Variants in ATP2B3 observed in about 807,000 individuals in gnomAD.
The protein encoded by ATP2B3 is ATPase plasma membrane Ca2+ transporting 3.
A neutral mutation model predicts 70.8 loss-of-function variants in ATP2B3; 12 were observed. The observed-to-expected ratio is 0.17, with a 90% CI of 0.11 to 0.27. The LOEUF is 0.27. Among genes scored for constraint, ATP2B3 ranks in the 10% least tolerant of loss-of-function variants. The pLI, the probability that ATP2B3 is intolerant of heterozygous loss-of-function variation, is 1.00. For synonymous variants in ATP2B3, 460 were observed against 497.8 expected (o/e 0.92, Z 1.01); for missense variants, 858 against 1,118.5 (o/e 0.77, Z 3.32).
Position 153,553,089 on chromosome X carries a change from C to T in ATP2B3, c.1878C>T (p.Asp626=). The stretch of plus-strand genomic sequence containing the variant: ...AACTCCGGGGCTTTCGGCCTCGGGA[C>T]CGGGACGACATGGTGAGGAAGATCA... The part of the protein sequence containing the change: ...NGELRGFRPR[D]RDDMVRKIIE... The change falls in exon 13 of 22, where the codon GAC becomes GAT. Residue 626 remains aspartate (D), a synonymous_variant. Coordinates refer to ENST00000263519, the MANE Select transcript of ATP2B3 (RefSeq NM_001001344.3). The T allele has an allele frequency of 8.3e-7, 1 of 1,209,040 alleles. No homozygotes were observed. Among genetic ancestry groups the T allele is most frequent in the Non-Finnish European group, 1.1e-6 (1 of 893,107 alleles).
chrX:153,553,134 T>C lies in ATP2B3; in HGVS notation c.1923T>C (p.Asp641=), dbSNP rs2090482891. 1 of 1,209,191 alleles carries C rather than the reference T, an allele frequency of 8.3e-7. No homozygotes were observed. The highest frequency in any genetic ancestry group is 1.7e-5 in the African/African-American group (1 of 57,281). The change falls in exon 13 of 22, where the codon GAT becomes GAC. Residue 641 remains aspartate, a synonymous_variant. Coordinates refer to ENST00000263519, the MANE Select transcript of ATP2B3 (RefSeq NM_001001344.3). ...VRKIIEPMAC[D]GLRTICIAYR... is the part of the protein sequence containing the mutation. Reference sequence around the variant, plus strand: ...AGATCATCGAGCCGATGGCTTGCGATGGCCTCCGCACCATCTGCATCGCCT... The same window carrying C: ...AGATCATCGAGCCGATGGCTTGCGACGGCCTCCGCACCATCTGCATCGCCT...
intron 21 of ATP2B3, among the ~76,000 whole-genome samples, chrX:153,571,883 C>T (rs2090794399): frequency 1.8e-5 from 2 of 112,780 alleles, no homozygotes; most frequent in African/African-American, 6.4e-5. Flanking sequence ...AGGACTCTGC[C>T]GTGGAGGAAG....
chrX:153,574,471 G>A (rs1223720887), intron 21 of ATP2B3, among the ~76,000 whole-genome samples: 6 of 111,571 alleles, frequency 5.4e-5, no homozygotes, highest in South Asian at 3.8e-4. Flanking sequence ...GAACCTTAGC[G>A]GCTGAGACTG....
intron 6 of ATP2B3, 149 bp from the exon 7 acceptor site, chrX:153,542,894 C>G: frequency 1.2e-6 from 1 of 821,602 alleles, no homozygotes; most frequent in Non-Finnish European, 1.7e-6. Context: ...GGGGTCTCCT[C>G]CAAGCCAGGG....
chrX:153,534,691 A>G (rs2090164598), intron 2 of ATP2B3, among the ~76,000 whole-genome samples: 1 of 113,152 alleles, frequency 8.8e-6, no homozygotes, highest in East Asian at 2.8e-4. Context: ...GTGGGGAGAG[A>G]GGACGGCACA....
At chrX:153,558,018 C>A (rs781888997) in intron 16 of ATP2B3, 94 bp from the exon 17 acceptor site, 50 of 900,236 alleles carry the variant, frequency 5.6e-5, no homozygotes, top group Middle Eastern at 3.1e-4. Flanking sequence ...AAGGGGAGAG[C>A]AGGGAGCCAG....
At chrX:153,546,636 C>T (rs1053903882) in intron 8 of ATP2B3, among the ~76,000 whole-genome samples, 17 of 113,445 alleles carry the variant, frequency 1.5e-4, no homozygotes, top group Non-Finnish European at 2.2e-4. Flanking sequence ...ATGAGCCTGG[C>T]TGTGAGACGC....
At chrX:153,562,884 G>C (rs1350522271) in intron 20 of ATP2B3, among the ~76,000 whole-genome samples, 2 of 112,513 alleles carry the variant, frequency 1.8e-5, no homozygotes, top group African/African-American at 6.5e-5. Flanking sequence ...AGCGGGGCCA[G>C]TTCCTGGTGA....
Position 153,580,607 on chromosome X carries a change from A to C in ATP2B3, c.*309A>C. ...CAAAGGAGGAAGGAGAAGAAGTAGAAAGTGCGAAGAGCTGAGTTCCCCACC... is the reference window on the plus strand; with the variant it reads ...CAAAGGAGGAAGGAGAAGAAGTAGACAGTGCGAAGAGCTGAGTTCCCCACC... On this transcript the variant is annotated 3_prime_UTR_variant, in exon 22 of 22. Transcript: ENST00000263519. 1 of 271,349 alleles carries C rather than the reference A, an allele frequency of 3.7e-6. No homozygotes were observed. The highest frequency in any genetic ancestry group is 5.6e-5 in the East Asian group (1 of 17,849). 22.4% of individuals were successfully genotyped at this position (271,349 alleles called of 1,213,427 possible). A position where few individuals can be genotyped will look rare whatever the true frequency, so the allele number is the denominator to read the frequency against.
At chrX:153,547,413 CT>C (rs1188638996) in intron 8 of ATP2B3, among the ~76,000 whole-genome samples, 1 of 110,946 alleles carries the variant, frequency 9.0e-6, no homozygotes, top group African/African-American at 3.3e-5. Context: ...GTGCATGGGG[CT>C]TCTGGGCCTC....
intron 8 of ATP2B3, among the ~76,000 whole-genome samples, chrX:153,546,807 A>C (rs1557008913): frequency 1.8e-5 from 2 of 113,071 alleles, no homozygotes; most frequent in African/African-American, 6.4e-5. Context: ...GAGATGACCC[A>C]GGCAACGCCC....
chrX:153,576,370 A>G (rs1186525904), intron 21 of ATP2B3, among the ~76,000 whole-genome samples: 3 of 111,678 alleles, frequency 2.7e-5, no homozygotes, highest in African/African-American at 9.8e-5. Flanking sequence ...TAGGGCCCAC[A>G]GGACACGTGG....
At position 153,549,611 on chromosome X, in the gene ATP2B3, G is replaced by C. The variant is rs782249887; in HGVS notation, c.1453G>C (p.Val485Leu). 1 of 1,210,978 alleles carries C rather than the reference G, an allele frequency of 8.3e-7. No homozygotes were observed. Among genetic ancestry groups the C allele is most frequent in the Non-Finnish European group, 1.1e-6 (1 of 895,403 alleles). The change falls in exon 11 of 22, where the codon GTG becomes CTG. Residue 485 changes from valine to leucine, a missense_variant. By Grantham distance (32) the Val-to-Leu change is conservative (BLOSUM62 1). This residue lies in a region of ATP2B3 where 23 missense variants were observed against 59.0 expected (regional missense o/e 0.39). Transcript: ENST00000263519. ...CACGCTCACCACCAACCGTATGACC[G>C]TGGTCCAGTCCTACCTAGGAGACAC... ...TGTLTTNRMT[V>L]VQSYLGDTHY...
At chrX:153,539,293 C>T (rs181591768) in intron 3 of ATP2B3, among the ~76,000 whole-genome samples, 4,244 of 112,423 alleles carry the variant, frequency 0.038, 78 homozygotes, top group South Asian at 0.072. Flanking sequence ...GGGGCAGGCT[C>T]GGGCCTCAGC....
chrX:153,574,260 G>A, intron 21 of ATP2B3, among the ~76,000 whole-genome samples: 1 of 112,304 alleles, frequency 8.9e-6, no homozygotes. Flanking sequence ...GTTGTTTTGA[G>A]CCTGGAAACC....
At chrX:153,538,111 G>A (rs1426449643) in intron 3 of ATP2B3, among the ~76,000 whole-genome samples, 1 of 112,952 alleles carries the variant, frequency 8.9e-6, no homozygotes, top group African/African-American at 3.2e-5. Context: ...GGAGCTGTCG[G>A]GCTTGAGCTG....
chrX:153,548,752 A>G lies in ATP2B3; in HGVS notation c.1236A>G (p.Gln412=). Reference sequence around the variant, plus strand: ...CAGAGTGCACGCCGGTCTATGTACAATACTTCGTGAAGTTCTTCATCATTG... The same window carrying G: ...CAGAGTGCACGCCGGTCTATGTACAGTACTTCGTGAAGTTCTTCATCATTG... The part of the protein sequence containing the change: ...WLAECTPVYV[Q]YFVKFFIIGV... The change falls in exon 10 of 22, where the codon CAA becomes CAG. Residue 412 remains glutamine, a synonymous_variant. Coordinates refer to ENST00000263519, the MANE Select transcript of ATP2B3 (RefSeq NM_001001344.3). The G allele has an allele frequency of 1.7e-6, 2 of 1,211,583 alleles. No individual in the cohort carries two copies. Among genetic ancestry groups the G allele is most frequent in the Non-Finnish European group, 2.2e-6 (2 of 895,450 alleles).
In ATP2B3 at chrX:153,560,713, G is replaced by A. The variant is rs781883776; in HGVS notation, c.2877G>A (p.Ala959=). The change falls in exon 19 of 22, where the codon GCG becomes GCA. Residue 959 remains alanine, a synonymous_variant. Transcript: ENST00000263519. ...TCGACATCGACAGCGGGAGGAATGC[G>A]CCCCTGCACTCGCCACCCTCAGAGC... ...LFFDIDSGRN[A]PLHSPPSEHY... is the part of the protein sequence containing the mutation. 35 of 1,210,082 alleles carry A rather than the reference G, an allele frequency of 2.9e-5. No homozygotes were observed. Among genetic ancestry groups the A allele is most frequent in the Non-Finnish European group, 3.6e-5 (32 of 895,159 alleles).
intron 13 of ATP2B3, among the ~76,000 whole-genome samples, chrX:153,554,902 C>T (rs1462490659): frequency 1.8e-5 from 2 of 109,851 alleles, no homozygotes; most frequent in Non-Finnish European, 3.8e-5. Context: ...AACTGGGCTA[C>T]ACACACTGGG....
Sources: gnomAD v4.1 joint callset for allele counts (sites outside exome capture counted in the v4.1 genomes callset) on GRCh38, gnomAD v4.1.1 for gene constraint, gnomAD v4.1.1 regional missense constraint, MANE v1.5 for transcripts, NCBI Gene and HGNC (gene_info 2026-07-23, HGNC 2026-07-21) for gene names.